RPL36: variants seen among roughly 807,000 people sequenced by gnomAD.
RPL36 encodes the protein large ribosomal subunit protein eL36.
For missense variants in RPL36, 131 were observed against 144.9 expected (o/e 0.90, Z 0.49); for synonymous variants, 74 against 56.0 (o/e 1.32, Z -1.44).
In RPL36 at chr19:5,690,489, C is replaced by T. The variant is rs745788634; in HGVS notation, c.-2-17C>T. On this transcript the variant is annotated splice_polypyrimidine_tract_variant and intron_variant, in intron 1 of 3. Coordinates refer to ENST00000347512, the MANE Select transcript of RPL36 (RefSeq NM_033643.3). ...CCGGTACTCACCTCCGCCCCTTCTC[C>T]CCGTCGCTGTCCGCAGCCATGGCCC... 2.0e-5 allele frequency: 30 copies of T among 1,535,340 alleles called. No homozygotes were observed. Among genetic ancestry groups the T allele is most frequent in the Non-Finnish European group, 2.6e-5 (29 of 1,133,232 alleles).
intron 2 of RPL36, 38 bp from the exon 3 acceptor site, chr19:5,691,281 G>C: frequency 6.2e-7 from 1 of 1,611,920 alleles, no homozygotes; most frequent in Non-Finnish European, 8.5e-7. Context: ...AGAATGCAGG[G>C]ATCCCCCTAC....
At chr19:5,690,900 C>T (rs952243025) in intron 2 of RPL36, 1 of 556,264 alleles carries the variant, frequency 1.8e-6, no homozygotes, top group East Asian at 3.1e-5. Context: ...TGGAGCTGGC[C>T]CGAGGTTGCG....
intron 2 of RPL36, 82 bp from the exon 3 acceptor site, chr19:5,691,237 G>T (rs2054813830): frequency 6.3e-7 from 1 of 1,597,582 alleles, no homozygotes; most frequent in Non-Finnish European, 8.6e-7. Flanking sequence ...AGTAGCCAGG[G>T]AAATCGCGGC....
Position 5,691,752 on chromosome 19 carries a change from C to A in RPL36, c.*131C>A. 3 of 1,066,896 alleles carry A rather than the reference C, an allele frequency of 2.8e-6. No individual in the cohort carries two copies. Among genetic ancestry groups the A allele is most frequent in the Non-Finnish European group, 4.2e-6 (3 of 715,704 alleles). 66.1% of individuals were successfully genotyped at this position (1,066,896 alleles called of 1,614,324 possible). A position where few individuals can be genotyped will look rare whatever the true frequency, so the allele number is the denominator to read the frequency against. The stretch of plus-strand genomic sequence containing the variant: ...TGTCTGGTGCCCGCTCTGAGCCACA[C>A]CCTCTCCGGGTGCTGCCTGGTCGTG... On this transcript the variant is annotated 3_prime_UTR_variant, in exon 4 of 4. Coordinates refer to ENST00000347512, the MANE Select transcript of RPL36 (RefSeq NM_033643.3).
chr19:5,691,116 T>C, intron 2 of RPL36: 4 of 685,000 alleles, frequency 5.8e-6, no homozygotes, highest in Non-Finnish European at 1.0e-5. Context: ...AGGTGCGTCC[T>C]GCCAGTGTTG....
chr19:5,691,727 T>G lies in RPL36; in HGVS notation c.*106T>G, dbSNP rs1191709199. 2.1e-5 allele frequency: 25 copies of G among 1,197,182 alleles called. No homozygotes were observed. Among genetic ancestry groups the G allele is most frequent in the Middle Eastern group, 2.7e-4 (1 of 3,756 alleles). The allele number at this position is 1,197,182 out of a possible 1,614,324, so 74.2% of individuals were successfully genotyped here. On this transcript the variant is annotated 3_prime_UTR_variant, in exon 4 of 4. Coordinates refer to ENST00000347512, the MANE Select transcript of RPL36 (RefSeq NM_033643.3). Reference sequence around the variant, plus strand: ...GGTGTGTCGGGGGCCCGCAGTCCCCTGTCTGGTGCCCGCTCTGAGCCACAC... The same window carrying G: ...GGTGTGTCGGGGGCCCGCAGTCCCCGGTCTGGTGCCCGCTCTGAGCCACAC...
At position 5,691,385 on chromosome 19, in the gene RPL36, G is replaced by C. The variant is rs1169443764; in HGVS notation, c.160G>C (p.Glu54Gln). Residue 54 changes from glutamate to glutamine, a missense_variant, in exon 3 of 4, where the codon GAG becomes CAG. Transcript: ENST00000347512. Reference protein sequence around the residue: ...IREVCGFAPYERRAMELLKVS... With the variant: ...IREVCGFAPYQRRAMELLKVS... ...GGAGGTGTGTGGCTTTGCCCCGTAC[G>C]AGCGGCGCGCCATGGAGTTACTGAA... The C allele has an allele frequency of 2.5e-6, 4 of 1,613,808 alleles. No individual in the cohort carries two copies. The East Asian group carries it at 8.9e-5, about 36-fold the overall frequency.
intron 2 of RPL36, chr19:5,691,113 T>A: frequency 1.5e-6 from 1 of 676,128 alleles, no homozygotes; most frequent in Non-Finnish European, 2.5e-6. Context: ...TCCAGGTGCG[T>A]CCTGCCAGTG....
At position 5,690,311 on chromosome 19, in the gene RPL36, T is replaced by C; in HGVS notation, c.-19T>C. ...GGCGCCAGCCCTTCCGCCACGGCCGTCTCTGGAGAGCAGCAGGTAAGTGGT... is the reference window on the plus strand; with the variant it reads ...GGCGCCAGCCCTTCCGCCACGGCCGCCTCTGGAGAGCAGCAGGTAAGTGGT... On this transcript the variant is annotated 5_prime_UTR_variant, in exon 1 of 4. Coordinates refer to ENST00000347512, the MANE Select transcript of RPL36 (RefSeq NM_033643.3). 7.9e-6 allele frequency: 5 copies of C among 632,412 alleles called. No individual in the cohort carries two copies. The Admixed American group carries it at 9.4e-5, about 12-fold the overall frequency. 39.2% of individuals were successfully genotyped at this position (632,412 alleles called of 1,614,324 possible). A position where few individuals can be genotyped will look rare whatever the true frequency, so the allele number is the denominator to read the frequency against.
chr19:5,690,795 C>T (rs1364357919), intron 2 of RPL36, 195 bp downstream of exon 2: 3 of 624,052 alleles, frequency 4.8e-6, no homozygotes, highest in Non-Finnish European at 8.7e-6. Context: ...GGGTTTTTCC[C>T]AACCGTGCAA....
In RPL36 at chr19:5,691,596, G is replaced by A; in HGVS notation, c.293G>A (p.Arg98Lys). The A allele has an allele frequency of 1.2e-6, 2 of 1,610,962 alleles. No homozygotes were observed. The highest frequency in any genetic ancestry group is 1.7e-6 in the Non-Finnish European group (2 of 1,179,696). Residue 98 changes from arginine (R) to lysine (K), a missense_variant, in exon 4 of 4, where the codon AGG (arginine) becomes AAG (lysine). Transcript: ENST00000347512. ...EELSNVLAAM[R>K]KAAAKKD ...CTGAGCAACGTACTGGCCGCCATGAGGAAAGCTGCTGCCAAGAAAGACTGA... is the reference window on the plus strand; with the variant it reads ...CTGAGCAACGTACTGGCCGCCATGAAGAAAGCTGCTGCCAAGAAAGACTGA...
chr19:5,690,676 G>A (rs1197791226), intron 2 of RPL36, 76 bp downstream of exon 2: 1 of 1,225,050 alleles, frequency 8.2e-7, no homozygotes, highest in South Asian at 1.3e-5. Flanking sequence ...AAAGGCTCTC[G>A]ACCTGAAAGA....
chr19:5,690,855 T>C (rs1167723613), intron 2 of RPL36: 13 of 572,390 alleles, frequency 2.3e-5, no homozygotes, highest in Non-Finnish European at 4.1e-5. Context: ...GGGCAGCGGG[T>C]TTGGGGTTCT....
At chr19:5,690,693 G>C (rs951272019) in intron 2 of RPL36, 93 bp downstream of exon 2, 18 of 1,046,002 alleles carry the variant, frequency 1.7e-5, no homozygotes, top group Non-Finnish European at 2.2e-5. Flanking sequence ...AAGAACGCGC[G>C]TTCGGGCGCA....
intron 1 of RPL36, 59 bp from the exon 2 acceptor site, chr19:5,690,446 TG>T: frequency 7.6e-7 from 1 of 1,307,872 alleles, no homozygotes; most frequent in Non-Finnish European, 1.1e-6. Context: ...CGCGGGGCTC[TG>T]GGCCTCGGGA....
chr19:5,690,567 C>T lies in RPL36; in HGVS notation c.60C>T (p.Asn20=), dbSNP rs1357765293. 6 of 1,571,408 alleles carry T rather than the reference C, an allele frequency of 3.8e-6. No individual in the cohort carries two copies. In the African/African-American group the frequency reaches 4.0e-5, roughly 11 times the overall value. ...ACAAGGGCCACAAAGTGACCAAGAA[C>T]GTGAGCAAGCCCAGGCACAGCCGAC... is the stretch of plus-strand genomic sequence containing the variant. The part of the protein sequence containing the change: ...GLNKGHKVTK[N]VSKPRHSRRR... The change falls in exon 2 of 4, where the codon AAC becomes AAT. Residue 20 remains asparagine, a synonymous_variant. Coordinates refer to ENST00000347512, the MANE Select transcript of RPL36 (RefSeq NM_033643.3).
At chr19:5,691,215 C>T (rs2054813382) in intron 2 of RPL36, 104 bp from the exon 3 acceptor site, 2 of 1,553,480 alleles carry the variant, frequency 1.3e-6, no homozygotes, top group Non-Finnish European at 1.8e-6. Context: ...CAGCTACCCA[C>T]AGAGGGGAGG....
chr19:5,691,508 T>A, intron 3 of RPL36, 24 bp from the exon 4 acceptor site: 3 of 1,609,288 alleles, frequency 1.9e-6, no homozygotes, highest in Non-Finnish European at 2.5e-6. Flanking sequence ...AGGGCCGGGC[T>A]GACGGCGGCC....
intron 3 of RPL36, 26 bp downstream of exon 3, chr19:5,691,479 G>C: frequency 6.2e-7 from 1 of 1,609,068 alleles, no homozygotes; most frequent in African/African-American, 1.3e-5. Context: ...CGGCCGAGGG[G>C]CGGGGTGGGA....
Sources: allele counts gnomAD v4.1 joint callset, GRCh38; gene constraint gnomAD v4.1.1; transcripts MANE v1.5; gene names NCBI Gene and HGNC (gene_info 2026-07-23, HGNC 2026-07-21).